SIPA1L1: variants seen among roughly 807,000 people sequenced by gnomAD.
SIPA1L1 encodes the protein signal-induced proliferation-associated 1-like protein 1.
Under a neutral mutation model 162.7 loss-of-function variants are expected in SIPA1L1, and 26 were observed. That is an observed-to-expected ratio of 0.16 (90% CI 0.12 to 0.22). SIPA1L1 has a LOEUF of 0.22. Among genes scored for constraint, SIPA1L1 ranks in the 10% least tolerant of loss-of-function variants. The pLI is 1.00. For synonymous variants in SIPA1L1, 829 were observed against 837.4 expected (o/e 0.99, Z 0.17); for missense variants, 1,874 against 2,241.0 (o/e 0.84, Z 3.31).
At chr14:71,585,392 T>C (rs543588001) in intron 4 of SIPA1L1, among the ~76,000 whole-genome samples, 10 of 152,290 alleles carry the variant, frequency 6.6e-5, no homozygotes, top group Non-Finnish European at 1.3e-4. Flanking sequence ...TTCTTTTGAA[T>C]TGGTAAGAAA....
In SIPA1L1 at chr14:71,658,537, C is replaced by G; in HGVS notation, c.2097+101C>G. ...AATCTTAAACCAGAATTTAGTGTTG[C>G]ACCTGTCACAGCAGCGGGAAGCTTT... On this transcript the variant is annotated intron_variant, in intron 9 of 23. Coordinates refer to ENST00000381232, the MANE Select transcript of SIPA1L1 (RefSeq NM_001386936.1). The G allele has an allele frequency of 6.5e-6, 5 of 764,842 alleles. No individual in the cohort carries two copies. In the Middle Eastern group the frequency reaches 9.1e-4, roughly 139 times the overall value. The allele number at this position is 764,842 out of a possible 1,614,324, so 47.4% of individuals were successfully genotyped here. A position where few individuals can be genotyped will look rare whatever the true frequency, so the allele number is the denominator to read the frequency against.
chr14:71,388,000 CAG>C (rs1242579761), intron 2 of SIPA1L1, among the ~76,000 whole-genome samples: 1 of 152,216 alleles, frequency 6.6e-6, no homozygotes, highest in African/African-American at 2.4e-5. Flanking sequence ...AAAGCCAAGA[CAG>C]ATCACTCTGC....
At chr14:71,370,397 T>C (rs1039488416) in intron 2 of SIPA1L1, among the ~76,000 whole-genome samples, 2 of 152,226 alleles carry the variant, frequency 1.3e-5, no homozygotes, top group Admixed American at 6.6e-5. Flanking sequence ...TGTCAAAGGC[T>C]TTTTCTGCAT....
chr14:71,644,493 T>C (rs1434535114), intron 7 of SIPA1L1, among the ~76,000 whole-genome samples: 1 of 152,162 alleles, frequency 6.6e-6, no homozygotes, highest in Non-Finnish European at 1.5e-5. Flanking sequence ...CACCTTGGCC[T>C]CCCAAAGTGC....
chr14:71,659,358 T>G (rs143126104), intron 9 of SIPA1L1, among the ~76,000 whole-genome samples: 1 of 152,338 alleles, frequency 6.6e-6, no homozygotes, highest in Non-Finnish European at 1.5e-5. Context: ...CTTTATCAGT[T>G]TACATTTGAT....
At chr14:71,490,754 C>T (rs895537479) in intron 2 of SIPA1L1, among the ~76,000 whole-genome samples, 1 of 152,100 alleles carries the variant, frequency 6.6e-6, no homozygotes, top group African/African-American at 2.4e-5. Context: ...TTGTTGTATA[C>T]CCATTTGAAC....
chr14:71,584,035 C>T (rs1297864810), intron 4 of SIPA1L1, among the ~76,000 whole-genome samples: 2 of 152,220 alleles, frequency 1.3e-5, no homozygotes, highest in Non-Finnish European at 2.9e-5. Context: ...TCCTAATACA[C>T]TCAGTGCTCA....
At chr14:71,647,486 C>T (rs1285261885) in intron 7 of SIPA1L1, among the ~76,000 whole-genome samples, 3 of 151,924 alleles carry the variant, frequency 2.0e-5, no homozygotes, top group African/African-American at 7.3e-5. Flanking sequence ...AAATAGGCAC[C>T]CACAAATTCA....
chr14:71,494,782 G>T (rs994714425), intron 2 of SIPA1L1, among the ~76,000 whole-genome samples: 13 of 152,264 alleles, frequency 8.5e-5, no homozygotes, highest in African/African-American at 3.1e-4. Flanking sequence ...TGGGACTACA[G>T]GTGTGCACCA....
At chr14:71,733,142 C>T (rs923948757) in intron 20 of SIPA1L1, among the ~76,000 whole-genome samples, 13 of 152,170 alleles carry the variant, frequency 8.5e-5, no homozygotes, top group Non-Finnish European at 1.6e-4. Flanking sequence ...ACCCTGGAGG[C>T]AGAGGTTGCA....
chr14:71,470,788 A>G (rs2047389567), intron 2 of SIPA1L1, among the ~76,000 whole-genome samples: 2 of 152,116 alleles, frequency 1.3e-5, no homozygotes, highest in African/African-American at 4.8e-5. Flanking sequence ...CTAATTATAT[A>G]TGGAAAACTT....
intron 3 of SIPA1L1, among the ~76,000 whole-genome samples, chr14:71,521,161 T>G (rs1434272129): frequency 6.6e-6 from 1 of 152,222 alleles, no homozygotes; most frequent in Non-Finnish European, 1.5e-5. Context: ...GGAGAAAGAT[T>G]TCTTTTTCTT....
At chr14:71,329,420 G>GT (rs34647020) in intron 2 of SIPA1L1, among the ~76,000 whole-genome samples, 24,048 of 134,992 alleles carry the variant, frequency 0.18, 2,498 homozygotes, top group Middle Eastern at 0.37. Flanking sequence ...CTTATTTTCT[G>GT]TTTTTTTTTT....
intron 12 of SIPA1L1, among the ~76,000 whole-genome samples, chr14:71,675,019 T>G (rs1168226279): frequency 6.6e-6 from 1 of 152,232 alleles, no homozygotes; most frequent in Non-Finnish European, 1.5e-5. Context: ...TCAGCAGTGA[T>G]GTGCTGGTGA....
intron 2 of SIPA1L1, among the ~76,000 whole-genome samples, chr14:71,331,711 A>G (rs548843653): frequency 6.6e-6 from 1 of 152,162 alleles, no homozygotes; most frequent in Non-Finnish European, 1.5e-5. Context: ...TTTTTCCTTG[A>G]TGCTGTGTTG....
chr14:71,556,578 G>A (rs1294427195), intron 4 of SIPA1L1, among the ~76,000 whole-genome samples: 1 of 152,174 alleles, frequency 6.6e-6, no homozygotes, highest in Non-Finnish European at 1.5e-5. Context: ...CAGAACTCAG[G>A]GAAACATGTT....
At chr14:71,629,839 A>G (rs1401920981) in intron 7 of SIPA1L1, among the ~76,000 whole-genome samples, 1 of 152,266 alleles carries the variant, frequency 6.6e-6, no homozygotes, top group Non-Finnish European at 1.5e-5. Flanking sequence ...TCTGCAATAA[A>G]TATCTCAAGA....
intron 4 of SIPA1L1, among the ~76,000 whole-genome samples, chr14:71,543,490 T>C (rs887856147): frequency 6.6e-6 from 1 of 152,198 alleles, no homozygotes; most frequent in Admixed American, 6.5e-5. Flanking sequence ...GGCTGTGCCA[T>C]GTTATAGTTG....
chr14:71,392,617 T>A (rs1330303376), intron 2 of SIPA1L1, among the ~76,000 whole-genome samples: 1 of 152,188 alleles, frequency 6.6e-6, no homozygotes, highest in Non-Finnish European at 1.5e-5. Context: ...AAGCCCCGCC[T>A]TCCGGCTTCA....
Sources: allele counts gnomAD v4.1 joint callset (sites outside exome capture counted in the v4.1 genomes callset), GRCh38; gene constraint gnomAD v4.1.1; transcripts MANE v1.5; gene names NCBI Gene and HGNC (gene_info 2026-07-23, HGNC 2026-07-21).